The following RUNX1 variants were observed in gnomAD, a reference collection of about 807,000 sequenced individuals.
RUNX1 encodes the protein runt-related transcription factor 1.
A neutral mutation model predicts 42.8 loss-of-function variants in RUNX1; 19 were observed. The observed-to-expected ratio is 0.44, with a 90% confidence interval of 0.31 to 0.65. The LOEUF (loss-of-function observed/expected upper bound fraction) is 0.65. Ranked by LOEUF, RUNX1 falls within the 30% of genes least tolerant of loss-of-function variation. The pLI is 0.07. For missense variants in RUNX1, 528 were observed against 672.0 expected (o/e 0.79, Z 2.37); for synonymous variants, 271 against 289.4 (o/e 0.94, Z 0.64).
intron 6 of RUNX1, among the ~76,000 whole-genome samples, chr21:34,857,548 G>T (rs1442403947): frequency 2.6e-5 from 4 of 152,222 alleles, no homozygotes. Flanking sequence ...TCTTCAGGCT[G>T]GTCGGCATTT....
intron 5 of RUNX1, among the ~76,000 whole-genome samples, chr21:34,861,062 G>A (rs2057567621): frequency 1.3e-5 from 2 of 152,192 alleles, no homozygotes; most frequent in Non-Finnish European, 2.9e-5. Flanking sequence ...GACTTCCATG[G>A]AGCAGAGCAT....
At chr21:34,958,943 C>A (rs1489970589) in intron 2 of RUNX1, among the ~76,000 whole-genome samples, 3 of 151,740 alleles carry the variant, frequency 2.0e-5, no homozygotes, top group Non-Finnish European at 1.5e-5. Flanking sequence ...AGTAAACTAT[C>A]GCAAAGACAA....
intron 7 of RUNX1, among the ~76,000 whole-genome samples, chr21:34,822,025 C>T (rs1406041207): frequency 1.3e-5 from 2 of 152,242 alleles, no homozygotes; most frequent in Non-Finnish European, 2.9e-5. Flanking sequence ...ACTATAAAGG[C>T]TCCTTCCAAA....
At chr21:34,864,016 A>G (rs1318007342) in intron 5 of RUNX1, among the ~76,000 whole-genome samples, 1 of 152,216 alleles carries the variant, frequency 6.6e-6, no homozygotes, top group Non-Finnish European at 1.5e-5. Flanking sequence ...CCACAGCACG[A>G]AAACTGCCTT....
rs560203391 is a variant in RUNX1, at chr21:34,813,082, G to A, written c.806-13620C>T. The stretch of plus-strand genomic sequence containing the variant: ...AATTTCCCAATTACTCTTAAATAGC[G>A]ATCATCAAACGGGTGATTTCTCCTC... On this transcript the variant is annotated intron_variant, in intron 7 of 8. Transcript: ENST00000675419. Among the ~76,000 whole-genome samples the A allele has an allele frequency of 1.5e-3, 225 of 152,232 alleles. 1 individual carries two copies. The highest frequency in any genetic ancestry group is 3.3e-3 in the South Asian group (16 of 4,828).
At chr21:34,971,353 T>C (rs2058762259) in intron 2 of RUNX1, among the ~76,000 whole-genome samples, 1 of 152,210 alleles carries the variant, frequency 6.6e-6, no homozygotes, top group Non-Finnish European at 1.5e-5. Flanking sequence ...AGGAGAATCC[T>C]GGGAAAGGCC....
intron 3 of RUNX1, among the ~76,000 whole-genome samples, chr21:34,888,973 C>T (rs971983389): frequency 4.6e-5 from 7 of 151,392 alleles, no homozygotes; most frequent in African/African-American, 1.7e-4. Flanking sequence ...GTGCGGACCC[C>T]TTTCCGCAGC....
At chr21:34,835,845 C>T (rs1569038779) in intron 6 of RUNX1, among the ~76,000 whole-genome samples, 1 of 152,210 alleles carries the variant, frequency 6.6e-6, no homozygotes, top group Non-Finnish European at 1.5e-5. Flanking sequence ...AAGAGGCCCC[C>T]TTGATTCCAC....
intron 2 of RUNX1, among the ~76,000 whole-genome samples, chr21:35,039,090 G>A (rs11701383): frequency 0.14 from 21,495 of 152,190 alleles, 1,690 homozygotes; most frequent in Middle Eastern, 0.22. Context: ...TAAGGACTCA[G>A]GGATTCATAT....
At chr21:34,891,734 A>G (rs1231158947) in intron 3 of RUNX1, among the ~76,000 whole-genome samples, 1 of 151,896 alleles carries the variant, frequency 6.6e-6, no homozygotes, top group Non-Finnish European at 1.5e-5. Context: ...CAACGAAGCG[A>G]TACGTTGGGC....
At chr21:34,845,082 A>T (rs936017099) in intron 6 of RUNX1, among the ~76,000 whole-genome samples, 1 of 152,240 alleles carries the variant, frequency 6.6e-6, no homozygotes, top group African/African-American at 2.4e-5. Context: ...CCACCTGCTG[A>T]GAAGGGCATC....
chr21:34,986,365 T>C (rs1002448939), intron 2 of RUNX1, among the ~76,000 whole-genome samples: 3 of 151,612 alleles, frequency 2.0e-5, no homozygotes, highest in Admixed American at 6.6e-5. Context: ...GTTTAGTCTG[T>C]GGAGGAGGTC....
chr21:34,805,628 TCCTTCAAATTCAAAGAA>T (rs2056668896), intron 7 of RUNX1, among the ~76,000 whole-genome samples: 1 of 152,226 alleles, frequency 6.6e-6, no homozygotes, highest in South Asian at 2.1e-4. Context: ...AGCAAAATTA[TCCTTCAAATTCAAAGAA>T]ATAAGGATAT....
intron 2 of RUNX1, among the ~76,000 whole-genome samples, chr21:34,967,379 T>C (rs2058728879): frequency 7.3e-6 from 1 of 137,646 alleles, no homozygotes; most frequent in Non-Finnish European, 1.6e-5. Flanking sequence ...CCATTGAGCT[T>C]TCGTCTGGAC....
At chr21:34,998,905 G>T (rs2059019140) in intron 2 of RUNX1, among the ~76,000 whole-genome samples, 1 of 152,172 alleles carries the variant, frequency 6.6e-6, no homozygotes, top group Non-Finnish European at 1.5e-5. Flanking sequence ...CACCCATGAA[G>T]TACAGTTGGG....
rs144948284 is a variant in RUNX1 at position 34,903,588 on chromosome 21, C to G, written c.59-10625G>C. On this transcript the variant is annotated intron_variant, in intron 2 of 8. Coordinates refer to ENST00000675419, the MANE Select transcript of RUNX1 (RefSeq NM_001754.5). ...TCTACTCAAGAATCCAGAGTAAGAC[C>G]TTGATCTCAGTCTTGCTTACAAGGT... Among the ~76,000 whole-genome samples the G allele has an allele frequency of 3.4e-3, 513 of 152,244 alleles. 1 individual carries two copies. The highest frequency in any genetic ancestry group is 0.012 in the African/African-American group (478 of 41,554).
At chr21:34,814,733 C>G (rs2056802377) in intron 7 of RUNX1, among the ~76,000 whole-genome samples, 1 of 152,184 alleles carries the variant, frequency 6.6e-6, no homozygotes, top group Non-Finnish European at 1.5e-5. Context: ...TGAGCAGGAC[C>G]AGTTGCCTCC....
intron 2 of RUNX1, among the ~76,000 whole-genome samples, chr21:34,948,739 T>C (rs1211407606): frequency 1.3e-5 from 2 of 149,644 alleles, no homozygotes; most frequent in African/African-American, 5.1e-5. Context: ...GCAGAATTTC[T>C]TTCTTTTTTT....
At chr21:34,830,994 CAG>C (rs1194827843) in intron 7 of RUNX1, among the ~76,000 whole-genome samples, 2 of 152,124 alleles carry the variant, frequency 1.3e-5, no homozygotes, top group African/African-American at 4.8e-5. Flanking sequence ...TTTGGTCAAT[CAG>C]GGGTGAAATT....
Sources: gnomAD v4.1 joint callset for allele counts (sites outside exome capture counted in the v4.1 genomes callset) on GRCh38, gnomAD v4.1.1 for gene constraint, MANE v1.5 for transcripts, NCBI Gene and HGNC (gene_info 2026-07-23, HGNC 2026-07-21) for gene names.